ASTN2: variants seen among roughly 807,000 people sequenced by gnomAD.
ASTN2 encodes astrotactin-2.
Under a neutral mutation model 139.8 loss-of-function variants are expected in ASTN2, and 54 were observed. That is an observed-to-expected ratio of 0.39 (90% CI 0.31 to 0.48). ASTN2 has a LOEUF of 0.48. Among genes scored for constraint, ASTN2 ranks in the 20% least tolerant of loss-of-function variants. ASTN2 has a pLI of 0.95. For synonymous variants in ASTN2, 756 were observed against 719.5 expected, an observed-to-expected ratio of 1.05 and a Z score of -0.81; for missense variants, 1,565 against 1,725.1, an observed-to-expected ratio of 0.91 and a Z score of 1.64.
intron 2 of ASTN2, among the ~76,000 whole-genome samples, chr9:117,234,884 T>C (rs964382759): frequency 3.3e-5 from 5 of 152,198 alleles, no homozygotes; most frequent in Admixed American, 1.3e-4. Flanking sequence ...GATCCATATA[T>C]CAGCGATTTC....
chr9:116,496,410 G>T (rs983048450), intron 19 of ASTN2, among the ~76,000 whole-genome samples: 1 of 152,280 alleles, frequency 6.6e-6, no homozygotes, highest in Non-Finnish European at 1.5e-5. Flanking sequence ...GGGTGCAGAA[G>T]GTTTATTTGG....
At chr9:116,791,027 GAAAGAAAGAA>G (rs1830537304) in intron 13 of ASTN2, among the ~76,000 whole-genome samples, 1 of 123,886 alleles carries the variant, frequency 8.1e-6, no homozygotes, top group Non-Finnish European at 1.7e-5. Flanking sequence ...AAGAAAGAAA[GAAAGAAAGAA>G]AGAAAGAAAA....
intron 19 of ASTN2, among the ~76,000 whole-genome samples, chr9:116,576,684 C>G (rs1323344995): frequency 6.6e-6 from 1 of 152,172 alleles, no homozygotes; most frequent in Non-Finnish European, 1.5e-5. Context: ...GTGCCTGCCC[C>G]ACAATGAACG....
chr9:116,600,336 AAAAAAAAAAAAG>A (rs1854818118), intron 19 of ASTN2, among the ~76,000 whole-genome samples: 1 of 49,452 alleles, frequency 2.0e-5, no homozygotes, highest in African/African-American at 5.0e-5. Context: ...AAAAAAAAAA[AAAAAAAAAAAAG>A]AAAGAAAGAA....
intron 7 of ASTN2, among the ~76,000 whole-genome samples, chr9:117,004,674 G>T (rs923467354): frequency 6.6e-6 from 1 of 152,200 alleles, no homozygotes; most frequent in African/African-American, 2.4e-5. Flanking sequence ...CACAGAGGCT[G>T]TTGTCATGGT....
At chr9:116,792,500 T>G (rs1213043029) in intron 13 of ASTN2, among the ~76,000 whole-genome samples, 1 of 152,200 alleles carries the variant, frequency 6.6e-6, no homozygotes, top group Non-Finnish European at 1.5e-5. Flanking sequence ...CTTCAGCACC[T>G]GGGACTTAGC....
intron 16 of ASTN2, among the ~76,000 whole-genome samples, chr9:116,675,095 C>T (rs897005467): frequency 3.9e-5 from 6 of 152,014 alleles, no homozygotes; most frequent in Non-Finnish European, 8.8e-5. Flanking sequence ...TGGTTCAGTG[C>T]CCCCCCACGC....
At chr9:117,205,684 C>A (rs915281) in intron 3 of ASTN2, among the ~76,000 whole-genome samples, 5 of 151,912 alleles carry the variant, frequency 3.3e-5, no homozygotes, top group Non-Finnish European at 5.9e-5. Context: ...GAATGCAGAA[C>A]CCAGAGCTCC....
At chr9:116,524,593 C>G (rs985471843) in intron 19 of ASTN2, among the ~76,000 whole-genome samples, 1 of 152,182 alleles carries the variant, frequency 6.6e-6, no homozygotes, top group Non-Finnish European at 1.5e-5. Context: ...CAGTTTCCTT[C>G]CCTGCCCAAA....
chr9:117,135,609 G>T (rs1381244842), intron 4 of ASTN2, among the ~76,000 whole-genome samples: 2 of 152,216 alleles, frequency 1.3e-5, no homozygotes, highest in African/African-American at 4.8e-5. Context: ...GACTGTGAGA[G>T]CTGAAGAAGG....
At chr9:116,752,187 G>A (rs956178117) in intron 13 of ASTN2, among the ~76,000 whole-genome samples, 6 of 152,122 alleles carry the variant, frequency 3.9e-5, no homozygotes, top group Non-Finnish European at 8.8e-5. Flanking sequence ...CACATAAATA[G>A]ACCCACGCAA....
At chr9:117,089,264 G>A (rs1198732248) in intron 5 of ASTN2, among the ~76,000 whole-genome samples, 3 of 152,184 alleles carry the variant, frequency 2.0e-5, no homozygotes, top group African/African-American at 7.2e-5. Flanking sequence ...TTAATGGTGA[G>A]GTGTGGACTT....
intron 1 of ASTN2, among the ~76,000 whole-genome samples, chr9:117,350,955 C>T (rs928242038): frequency 2.0e-5 from 3 of 152,134 alleles, no homozygotes; most frequent in African/African-American, 7.2e-5. Context: ...TTGGCACGAC[C>T]GCCATGTTGC....
intron 19 of ASTN2, among the ~76,000 whole-genome samples, chr9:116,513,412 T>G (rs113793000): frequency 0.012 from 1,873 of 152,312 alleles, 34 homozygotes; most frequent in African/African-American, 0.043. Flanking sequence ...AACCCAACCT[T>G]TCTCTCTGAC....
chr9:116,698,519 TGAG>T lies in ASTN2; in HGVS notation c.2806+27249_2806+27251del, dbSNP rs545471341. The stretch of plus-strand genomic sequence containing the variant: ...TAGCACTACTGGAGGAGACAGCTGA[TGAG>T]GAGGAGCCAGAGCTCACTGCCAGCT... On this transcript the variant is annotated intron_variant, in intron 16 of 22. Coordinates refer to ENST00000313400, the MANE Select transcript of ASTN2 (RefSeq NM_001365068.1). This position sits in a 1 kb window ranked among gnomAD's most constrained non-coding sequence, Gnocchi z 4.4. 22 of 1,613,702 alleles carry T rather than the reference TGAG, an allele frequency of 1.4e-5. No homozygotes were observed. The South Asian group carries it at 1.8e-4, about 13-fold the overall frequency.
chr9:116,539,637 T>C (rs898433582), intron 19 of ASTN2, among the ~76,000 whole-genome samples: 1 of 152,192 alleles, frequency 6.6e-6, no homozygotes, highest in African/African-American at 2.4e-5. Context: ...ACCAACCCTA[T>C]ATATACTATG....
intron 10 of ASTN2, among the ~76,000 whole-genome samples, chr9:116,943,396 C>T (rs1468208108): frequency 3.3e-5 from 5 of 152,106 alleles, no homozygotes; most frequent in Admixed American, 1.3e-4. Flanking sequence ...CCCCAACTAG[C>T]CTGCTTACAT....
intron 10 of ASTN2, among the ~76,000 whole-genome samples, chr9:116,924,429 CAAAAA>C (rs35015769): frequency 3.6e-4 from 20 of 55,012 alleles, no homozygotes; most frequent in South Asian, 1.3e-3. Flanking sequence ...GACTTCATCT[CAAAAA>C]AAAAAAAAAA....
At chr9:116,908,825 T>C (rs1834236790) in intron 10 of ASTN2, among the ~76,000 whole-genome samples, 1 of 152,246 alleles carries the variant, frequency 6.6e-6, no homozygotes, top group South Asian at 2.1e-4. Context: ...TTATAGATTA[T>C]GACATACACA....
Sources: allele counts gnomAD v4.1 joint callset (sites outside exome capture counted in the v4.1 genomes callset), GRCh38; gene constraint gnomAD v4.1.1; non-coding constraint Gnocchi (gnomAD v3.1); transcripts MANE v1.5; gene names NCBI Gene and HGNC (gene_info 2026-07-23, HGNC 2026-07-21).